CYB5A: variants seen among roughly 807,000 people sequenced by gnomAD.
CYB5A encodes cytochrome b5.
CYB5A carries 10 observed loss-of-function variants against 16.2 expected under a neutral mutation model. The observed-to-expected ratio is 0.62, with a 90% CI of 0.38 to 1.04. CYB5A has a LOEUF of 1.04. CYB5A is among the 50% of genes least tolerant of loss of function. The pLI is 0.01. For synonymous variants in CYB5A, 62 were observed against 57.0 expected, an observed-to-expected ratio of 1.09 and a Z score of -0.40; for missense variants, 161 against 165.9, an observed-to-expected ratio of 0.97 and a Z score of 0.16.
intron 1 of CYB5A, among the ~76,000 whole-genome samples, chr18:74,267,517 T>C (rs1272271923): frequency 2.0e-5 from 3 of 152,218 alleles, no homozygotes; most frequent in Non-Finnish European, 4.4e-5. Flanking sequence ...AAATTGGGAA[T>C]GCTGGTGTTT....
At chr18:74,281,181 G>A (rs1484751400) in intron 1 of CYB5A, among the ~76,000 whole-genome samples, 1 of 152,168 alleles carries the variant, frequency 6.6e-6, no homozygotes, top group Non-Finnish European at 1.5e-5. Context: ...CTGAGCAGCT[G>A]GGAGAATGGA....
chr18:74,254,973 T>A (rs1180161892), intron 4 of CYB5A, among the ~76,000 whole-genome samples: 1 of 152,224 alleles, frequency 6.6e-6, no homozygotes, highest in Non-Finnish European at 1.5e-5. Context: ...TTCATAAGGA[T>A]TACAAGTGAA....
chr18:74,277,548 C>T (rs1982926876), intron 1 of CYB5A, among the ~76,000 whole-genome samples: 1 of 152,216 alleles, frequency 6.6e-6, no homozygotes, highest in Non-Finnish European at 1.5e-5. Context: ...TGGCCCCACC[C>T]TCAAGAAGTT....
intron 4 of CYB5A, among the ~76,000 whole-genome samples, chr18:74,254,612 T>C (rs13381414): frequency 0.052 from 7,904 of 151,540 alleles, 481 homozygotes; most frequent in East Asian, 0.19. Flanking sequence ...CTCCGCCTCC[T>C]GGGTTCACAC....
At chr18:74,277,859 G>C (rs963353760) in intron 1 of CYB5A, among the ~76,000 whole-genome samples, 2 of 152,162 alleles carry the variant, frequency 1.3e-5, no homozygotes, top group African/African-American at 4.8e-5. Context: ...CTCAGGTGAG[G>C]GCTTGGGTCT....
chr18:74,271,982 TTCCTCTTTAAAG>T (rs1568219702), intron 1 of CYB5A, among the ~76,000 whole-genome samples: 1 of 152,210 alleles, frequency 6.6e-6, no homozygotes, highest in Non-Finnish European at 1.5e-5. Flanking sequence ...AGTAAAAAGT[TTCCTCTTTAAAG>T]CTCCCCTTCT....
intron 1 of CYB5A, among the ~76,000 whole-genome samples, chr18:74,290,348 G>A (rs1983484753): frequency 6.6e-6 from 1 of 152,126 alleles, no homozygotes; most frequent in Non-Finnish European, 1.5e-5. Flanking sequence ...AGGTTTAAGG[G>A]ATTCTCCTGT....
chr18:74,262,569 TATG>T (rs545187708), intron 2 of CYB5A, among the ~76,000 whole-genome samples: 10 of 152,168 alleles, frequency 6.6e-5, no homozygotes, highest in Non-Finnish European at 1.5e-4. Flanking sequence ...GTGAGTAGAA[TATG>T]GACAATGTGC....
At chr18:74,267,251 G>A (rs1027027719) in intron 1 of CYB5A, among the ~76,000 whole-genome samples, 7 of 152,048 alleles carry the variant, frequency 4.6e-5, no homozygotes, top group African/African-American at 1.7e-4. Context: ...CCGCCTCCCA[G>A]GTTCAAGCAA....
chr18:74,284,019 G>A (rs1358628400), intron 1 of CYB5A, among the ~76,000 whole-genome samples: 5 of 152,110 alleles, frequency 3.3e-5, no homozygotes, highest in Non-Finnish European at 7.3e-5. Context: ...GATCACTTGA[G>A]GTCAGGGGTT....
intron 1 of CYB5A, among the ~76,000 whole-genome samples, chr18:74,271,236 T>A (rs895913393): frequency 1.2e-4 from 18 of 152,230 alleles, no homozygotes; most frequent in Non-Finnish European, 2.4e-4. Flanking sequence ...TGAAGAAGCA[T>A]ACAGTTCATT....
intron 1 of CYB5A, among the ~76,000 whole-genome samples, chr18:74,283,646 C>T (rs548478456): frequency 6.6e-6 from 1 of 152,296 alleles, no homozygotes; most frequent in East Asian, 1.9e-4. Context: ...AGAGAACTCT[C>T]CAGTGATCAA....
At position 74,291,843 on chromosome 18, in the gene CYB5A, G is replaced by C. The variant is rs531270678; in HGVS notation, c.33C>G (p.Tyr11Ter). ...GCTTCTGAATCTCCTCTAGGGTGTA[G>C]TACTTCACGGCCTCGTCCGACTGCT... MAEQSDEAVK[Y>*]YTLEEIQKHN... Residue 11 changes from tyrosine to a stop codon, truncating the protein, a stop_gained, in exon 1 of 5, where the codon TAC (tyrosine) becomes TAG (stop). Transcript: ENST00000340533. LOFTEE classifies it high-confidence loss of function. 2.5e-6 allele frequency: 4 copies of C among 1,613,656 alleles called. No individual in the cohort carries two copies. The highest frequency in any genetic ancestry group is 3.4e-6 in the Non-Finnish European group (4 of 1,179,876).
rs1374346738 is a variant in CYB5A, at chr18:74,252,046, A to G, written c.*1538T>C. 6.6e-6 allele frequency: 1 copy of G among 152,254 alleles called. No homozygotes were observed. The highest frequency in any genetic ancestry group is 6.5e-5 in the Admixed American group (1 of 15,282). 9.4% of individuals were successfully genotyped at this position (152,254 alleles called of 1,614,324 possible). On this transcript the variant is annotated 3_prime_UTR_variant, in exon 5 of 5. Transcript: ENST00000340533. ...CACAACCAAAAATATTGAAATATTTACATAGGTCCCTTAACAAGTGTTGTA... is the reference window on the plus strand; with the variant it reads ...CACAACCAAAAATATTGAAATATTTGCATAGGTCCCTTAACAAGTGTTGTA...
In CYB5A at chr18:74,252,609, A is replaced by G. The variant is rs1231172568; in HGVS notation, c.*975T>C. On this transcript the variant is annotated 3_prime_UTR_variant, in exon 5 of 5. Coordinates refer to ENST00000340533, the MANE Select transcript of CYB5A (RefSeq NM_148923.4). ...TGATACGTGTAAGCTGAGAGAATGG[A>G]CAGTTGCGATGCCCTCTCATGGTTC... is the stretch of plus-strand genomic sequence containing the variant. The G allele has an allele frequency of 6.6e-6, 1 of 152,248 alleles. No individual in the cohort carries two copies. The highest frequency in any genetic ancestry group is 2.4e-5 in the African/African-American group (1 of 41,456). The allele number at this position is 152,248 out of a possible 1,614,324, so 9.4% of individuals were successfully genotyped here. A position where few individuals can be genotyped will look rare whatever the true frequency, so the allele number is the denominator to read the frequency against.
At chr18:74,263,031 C>A (rs567664391) in intron 2 of CYB5A, among the ~76,000 whole-genome samples, 7 of 152,092 alleles carry the variant, frequency 4.6e-5, no homozygotes, top group African/African-American at 1.7e-4. Context: ...TGCCTGTAGT[C>A]CCAGCTACCA....
Position 74,253,482 on chromosome 18 carries a change from T to C in CYB5A, c.*102A>G. ...AAAGAAAGAGATATATTAAAATCATTGTTTTCAAGTGAAGGTTTCTGTCAG... is the reference window on the plus strand; with the variant it reads ...AAAGAAAGAGATATATTAAAATCATCGTTTTCAAGTGAAGGTTTCTGTCAG... On this transcript the variant is annotated 3_prime_UTR_variant, in exon 5 of 5. Coordinates refer to ENST00000340533, the MANE Select transcript of CYB5A (RefSeq NM_148923.4). 2.8e-6 allele frequency: 2 copies of C among 721,852 alleles called. No individual in the cohort carries two copies. The highest frequency in any genetic ancestry group is 5.0e-6 in the Non-Finnish European group (2 of 398,784). 44.7% of individuals were successfully genotyped at this position (721,852 alleles called of 1,614,324 possible).
intron 2 of CYB5A, among the ~76,000 whole-genome samples, chr18:74,261,963 C>G (rs764549962): frequency 4.6e-5 from 7 of 152,190 alleles, no homozygotes; most frequent in African/African-American, 9.7e-5. Context: ...GAGCCAGGCA[C>G]TCCCAGAGGT....
At chr18:74,262,645 AT>A (rs1327805855) in intron 2 of CYB5A, among the ~76,000 whole-genome samples, 2 of 152,120 alleles carry the variant, frequency 1.3e-5, no homozygotes, top group Non-Finnish European at 2.9e-5. Flanking sequence ...TTTTTAAATC[AT>A]TTTTTAGAAC....
Sources: gnomAD v4.1 joint callset for allele counts (sites outside exome capture counted in the v4.1 genomes callset) on GRCh38, gnomAD v4.1.1 for gene constraint, MANE v1.5 for transcripts, NCBI Gene and HGNC (gene_info 2026-07-23, HGNC 2026-07-21) for gene names.